DDX4: variants seen among roughly 807,000 people sequenced by gnomAD.
DDX4 encodes the protein DEAD-box helicase 4, also known as probable ATP-dependent RNA helicase DDX4.
DDX4 carries 25 observed loss-of-function variants against 100.0 expected under a neutral mutation model. That is an observed-to-expected ratio of 0.25 (90% CI 0.18 to 0.35). The LOEUF (loss-of-function observed/expected upper bound fraction) is 0.35. Among genes scored for constraint, DDX4 ranks in the 10% least tolerant of loss-of-function variants. The pLI, the probability that DDX4 is intolerant of heterozygous loss-of-function variation, is 1.00. For synonymous variants in DDX4, 259 were observed against 275.7 expected (o/e 0.94, Z 0.60); for missense variants, 635 against 882.4 (o/e 0.72, Z 3.55).
intron 18 of DDX4, among the ~76,000 whole-genome samples, chr5:55,803,672 A>C (rs1228624557): frequency 1.1e-4 from 17 of 151,178 alleles, no homozygotes; most frequent in Non-Finnish European, 1.8e-4. Context: ...TTTTTTATGG[A>C]TGCACAGTAT....
At chr5:55,796,531 C>T (rs1223924831) in intron 17 of DDX4, among the ~76,000 whole-genome samples, 1 of 152,136 alleles carries the variant, frequency 6.6e-6, no homozygotes, top group East Asian at 1.9e-4. Flanking sequence ...TTAAAATAAA[C>T]CTTCCCATAT....
intron 3 of DDX4, among the ~76,000 whole-genome samples, chr5:55,754,356 T>G (rs1228523389): frequency 9.5e-6 from 1 of 104,906 alleles, no homozygotes; most frequent in Non-Finnish European, 2.0e-5. Context: ...CATCAATACC[T>G]AATTTATTGA....
chr5:55,808,678 G>A (rs1430637514), intron 18 of DDX4, among the ~76,000 whole-genome samples: 3 of 152,248 alleles, frequency 2.0e-5, no homozygotes, highest in Middle Eastern at 3.2e-3. Flanking sequence ...TCCTCTGGAA[G>A]TTTTGTCTCA....
In DDX4 at chr5:55,809,091, C is replaced by T. The variant is rs896522954; in HGVS notation, c.1616-4582C>T. On this transcript the variant is annotated intron_variant, in intron 18 of 21. Coordinates refer to ENST00000505374, the MANE Select transcript of DDX4 (RefSeq NM_024415.3). ...TGCTGTGCTAGCAATGAGCGAGGCT[C>T]CATGGGGGTAGGACCCTTTGAGCCA... 3.3e-5 allele frequency among the ~76,000 whole-genome samples: 5 copies of T among 152,356 alleles called. No homozygotes were observed. The South Asian group carries it at 6.2e-4, about 19-fold the overall frequency.
Position 55,798,404 on chromosome 5 carries a change from GAAT to G in DDX4, c.1470-18_1470-16del, listed in dbSNP as rs1228638296. On this transcript the variant is annotated intron_variant, in intron 17 of 21. Coordinates refer to ENST00000505374, the MANE Select transcript of DDX4 (RefSeq NM_024415.3). Reference sequence around the variant, plus strand: ...CTGATGGAGAGGAGGATAAGTTAAAGAATAATCTTTTGTTTTTCAAGGTTGGCT... The same window carrying G: ...CTGATGGAGAGGAGGATAAGTTAAAGAATCTTTTGTTTTTCAAGGTTGGCT... The G allele has an allele frequency of 1.9e-6, 3 of 1,607,810 alleles. No homozygotes were observed. In the African/African-American group the frequency reaches 4.0e-5, roughly 22 times the overall value.
intron 7 of DDX4, among the ~76,000 whole-genome samples, chr5:55,778,258 C>A (rs1741693843): frequency 6.6e-6 from 1 of 151,950 alleles, no homozygotes; most frequent in Non-Finnish European, 1.5e-5. Context: ...ACAGTAAGAA[C>A]AGAGCACATG....
At chr5:55,764,139 C>G in intron 6 of DDX4, 75 bp downstream of exon 6, 2 of 1,130,150 alleles carry the variant, frequency 1.8e-6, no homozygotes, top group South Asian at 2.5e-5. Flanking sequence ...AAGATTAAGT[C>G]TCTTAGTCCG....
chr5:55,763,363 ATATT>A (rs1490222090), intron 5 of DDX4, 111 bp downstream of exon 5: 17 of 750,042 alleles, frequency 2.3e-5, no homozygotes, highest in Admixed American at 4.0e-5. Flanking sequence ...TTCAAGGTAT[ATATT>A]CTGTGAGTGC....
chr5:55,765,024 A>G (rs949681173), intron 6 of DDX4, among the ~76,000 whole-genome samples: 12 of 152,174 alleles, frequency 7.9e-5, no homozygotes, highest in South Asian at 4.1e-4. Flanking sequence ...TTAATTATCA[A>G]ATGAGACTGT....
intron 6 of DDX4, among the ~76,000 whole-genome samples, chr5:55,765,412 AAATATATATATAT>A (rs1740845780): frequency 8.5e-6 from 1 of 117,092 alleles, no homozygotes; most frequent in African/African-American, 3.3e-5. Flanking sequence ...AAAAAAAAAA[AAATATATATATAT>A]ATATATATAT....
chr5:55,763,155 A>T lies in DDX4; in HGVS notation c.206-20A>T. The T allele has an allele frequency of 6.5e-7, 1 of 1,539,280 alleles. No homozygotes were observed. Among genetic ancestry groups the T allele is most frequent in the South Asian group, 1.1e-5 (1 of 89,196 alleles). On this transcript the variant is annotated intron_variant, in intron 4 of 21. Transcript: ENST00000505374. ...CTTAATTTTATATGTTAAAGAGTTT[A>T]ACTGTCCACCCTTTTTCAGATGCTG...
chr5:55,792,837 TTA>T (rs527472682), intron 17 of DDX4, 30 bp downstream of exon 17: 105 of 1,204,634 alleles, frequency 8.7e-5, no homozygotes, highest in Admixed American at 2.2e-4. Flanking sequence ...AATAATTTAA[TTA>T]TATATATATA....
rs1744251434 is a variant in DDX4, at chr5:55,814,008, A to C, written c.1715+236A>C. ...CTAAGTGGTTGTGGTGGGTAAGATA[A>C]AGGTCTGCCTTACTCTCAAAATAAG... On this transcript the variant is annotated intron_variant, in intron 19 of 21. Transcript: ENST00000505374. Among the ~76,000 whole-genome samples the C allele has an allele frequency of 2.0e-5, 3 of 152,146 alleles. No homozygotes were observed. The South Asian group carries it at 6.2e-4, about 32-fold the overall frequency.
intron 21 of DDX4, 33 bp from the exon 22 acceptor site, chr5:55,816,430 G>C (rs201410510): frequency 6.0e-6 from 9 of 1,488,270 alleles, no homozygotes; most frequent in East Asian, 4.9e-5. Context: ...ATGTTTGTTT[G>C]TTTCTTTTTT....
chr5:55,757,566 T>C lies in DDX4; in HGVS notation c.128-2634T>C, dbSNP rs541919305. On this transcript the variant is annotated intron_variant, in intron 3 of 21. Coordinates refer to ENST00000505374, the MANE Select transcript of DDX4 (RefSeq NM_024415.3). ...AATTGTGCTGCTATAAACATGCGTTTGCAAGTATCTTTTCATATAATGACT... is the reference window on the plus strand; with the variant it reads ...AATTGTGCTGCTATAAACATGCGTTCGCAAGTATCTTTTCATATAATGACT... 1.6e-4 allele frequency among the ~76,000 whole-genome samples: 24 copies of C among 152,340 alleles called. 1 individual carries two copies. In the South Asian group the frequency reaches 5.0e-3, roughly 32 times the overall value.
intron 17 of DDX4, among the ~76,000 whole-genome samples, chr5:55,794,472 T>A (rs145962600): frequency 0.027 from 4,093 of 151,956 alleles, 77 homozygotes; most frequent in South Asian, 0.051. Context: ...AGTGCTGGGA[T>A]TACAGGCATG....
chr5:55,804,543 C>G (rs924263938), intron 18 of DDX4, among the ~76,000 whole-genome samples: 1 of 152,208 alleles, frequency 6.6e-6, no homozygotes, highest in African/African-American at 2.4e-5. Context: ...CTTTTTATGG[C>G]TAGCCAGTTT....
chr5:55,814,748 C>G (rs896654375), intron 19 of DDX4, among the ~76,000 whole-genome samples, 153 bp from the exon 20 acceptor site: 1 of 152,162 alleles, frequency 6.6e-6, no homozygotes, highest in East Asian at 1.9e-4. Flanking sequence ...CTTCAGCCTC[C>G]CAAAGTGCTG....
intron 18 of DDX4, among the ~76,000 whole-genome samples, chr5:55,807,670 T>C (rs917301092): frequency 1.3e-5 from 2 of 152,238 alleles, no homozygotes; most frequent in Non-Finnish European, 2.9e-5. Context: ...TTCTGACTTG[T>C]AGAGTTTCTG....
Sources: allele counts gnomAD v4.1 joint callset (sites outside exome capture counted in the v4.1 genomes callset), GRCh38; gene constraint gnomAD v4.1.1; transcripts MANE v1.5; gene names NCBI Gene and HGNC (gene_info 2026-07-23, HGNC 2026-07-21).